RAB3C: variants seen among roughly 807,000 people sequenced by gnomAD.
RAB3C encodes the protein ras-related protein Rab-3C.
In RAB3C, 17 loss-of-function variants were observed where a neutral mutation model predicts 26.4. That is an observed-to-expected ratio of 0.64 (90% CI 0.44 to 0.97). The LOEUF is 0.97. RAB3C is among the 50% of genes least tolerant of loss of function. The pLI is 0.00. For missense variants in RAB3C, 242 were observed against 281.9 expected, an observed-to-expected ratio of 0.86 and a Z score of 1.01; for synonymous variants, 91 against 95.9, an observed-to-expected ratio of 0.95 and a Z score of 0.30.
chr5:58,812,931 G>A (rs1051363125), intron 3 of RAB3C, among the ~76,000 whole-genome samples: 1 of 152,156 alleles, frequency 6.6e-6, no homozygotes, highest in African/African-American at 2.4e-5. Flanking sequence ...TCTCATAGAA[G>A]AGGAAGCAGA....
chr5:58,695,070 C>A (rs761767791), intron 2 of RAB3C, among the ~76,000 whole-genome samples: 14 of 152,146 alleles, frequency 9.2e-5, no homozygotes, highest in Non-Finnish European at 1.5e-4. Context: ...TTAGGTCTAA[C>A]ATTTAAGTCT....
intron 4 of RAB3C, among the ~76,000 whole-genome samples, chr5:58,835,346 C>A (rs1340135200): frequency 6.6e-6 from 1 of 152,196 alleles, no homozygotes; most frequent in African/African-American, 2.4e-5. Context: ...ATCTTACCAA[C>A]CTTTGACCCC....
chr5:58,625,684 C>T (rs1747037121), intron 2 of RAB3C, among the ~76,000 whole-genome samples: 1 of 151,918 alleles, frequency 6.6e-6, no homozygotes, highest in Non-Finnish European at 1.5e-5. Flanking sequence ...TGGTGAAAAC[C>T]CGTCTCTACT....
At chr5:58,765,975 C>T (rs952063334) in intron 3 of RAB3C, among the ~76,000 whole-genome samples, 2 of 152,110 alleles carry the variant, frequency 1.3e-5, no homozygotes, top group South Asian at 2.1e-4. Context: ...GCTCCGGCCA[C>T]GTAAGATGTG....
chr5:58,741,999 G>A (rs552631236), intron 3 of RAB3C: 71 of 145,390 alleles, frequency 4.9e-4, no homozygotes, highest in African/African-American at 1.6e-3. Context: ...GCGAGACTCC[G>A]TCTAAAAAAA....
intron 2 of RAB3C, among the ~76,000 whole-genome samples, 177 bp downstream of exon 2, chr5:58,618,047 A>G (rs1746862335): frequency 7.5e-6 from 1 of 133,584 alleles, no homozygotes; most frequent in African/African-American, 2.6e-5. Context: ...TCTTTAAGAC[A>G]TGAGGGGTGA....
chr5:58,729,465 A>C (rs567733728), intron 3 of RAB3C, among the ~76,000 whole-genome samples: 1 of 151,756 alleles, frequency 6.6e-6, no homozygotes, highest in Non-Finnish European at 1.5e-5. Context: ...TACGATTTTA[A>C]CTACTTTAAG....
intron 2 of RAB3C, among the ~76,000 whole-genome samples, chr5:58,684,439 T>C (rs893516180): frequency 2.6e-5 from 4 of 152,148 alleles, no homozygotes; most frequent in Admixed American, 6.5e-5. Context: ...CAGGCCTCAG[T>C]TGGAATGCCA....
At chr5:58,699,364 A>G (rs533215166) in intron 2 of RAB3C, among the ~76,000 whole-genome samples, 3 of 152,256 alleles carry the variant, frequency 2.0e-5, no homozygotes, top group Admixed American at 6.5e-5. Flanking sequence ...AGCCACCTAT[A>G]TGAGGTTTCT....
At chr5:58,585,762 A>AAGAGT (rs1745997467) in intron 1 of RAB3C, among the ~76,000 whole-genome samples, 1 of 152,010 alleles carries the variant, frequency 6.6e-6, no homozygotes, top group Non-Finnish European at 1.5e-5. Flanking sequence ...TTTCTTTCTG[A>AAGAGT]ATTGAGGGAA....
At chr5:58,769,715 A>C (rs1371028636) in intron 3 of RAB3C, among the ~76,000 whole-genome samples, 1 of 151,872 alleles carries the variant, frequency 6.6e-6, no homozygotes, top group East Asian at 1.9e-4. Flanking sequence ...GAGGTGAAAT[A>C]GTTTATGCAT....
chr5:58,684,053 A>G (rs1748397807), intron 2 of RAB3C, among the ~76,000 whole-genome samples: 1 of 152,146 alleles, frequency 6.6e-6, no homozygotes, highest in South Asian at 2.1e-4. Flanking sequence ...TTCCACATCC[A>G]TGACTCCAAC....
At chr5:58,785,419 G>C (rs1024202624) in intron 3 of RAB3C, among the ~76,000 whole-genome samples, 1 of 152,040 alleles carries the variant, frequency 6.6e-6, no homozygotes, top group African/African-American at 2.4e-5. Flanking sequence ...TTTTTCTTTT[G>C]GTAAAAATTT....
At chr5:58,748,841 G>A (rs1318262350) in intron 3 of RAB3C, among the ~76,000 whole-genome samples, 1 of 152,104 alleles carries the variant, frequency 6.6e-6, no homozygotes, top group Non-Finnish European at 1.5e-5. Flanking sequence ...CACATAGGTA[G>A]GCCATGGGAT....
chr5:58,723,246 G>T (rs1272241106), intron 2 of RAB3C, among the ~76,000 whole-genome samples: 2 of 151,726 alleles, frequency 1.3e-5, no homozygotes, highest in Non-Finnish European at 3.0e-5. Context: ...TGTTCTGAAA[G>T]ATCTTCCTCA....
chr5:58,817,555 C>A (rs1217931681), intron 3 of RAB3C, among the ~76,000 whole-genome samples: 1 of 151,748 alleles, frequency 6.6e-6, no homozygotes, highest in East Asian at 1.9e-4. Flanking sequence ...TTGTATATGT[C>A]TTTGTAAATC....
At chr5:58,812,194 G>A (rs1743107323) in intron 3 of RAB3C, among the ~76,000 whole-genome samples, 1 of 152,162 alleles carries the variant, frequency 6.6e-6, no homozygotes, top group Non-Finnish European at 1.5e-5. Flanking sequence ...AGAGATGGGG[G>A]CTGGTGGAGG....
chr5:58,594,749 CT>C (rs1239617492), intron 1 of RAB3C, among the ~76,000 whole-genome samples: 1 of 149,218 alleles, frequency 6.7e-6, no homozygotes, highest in African/African-American at 2.5e-5. Context: ...TTCAATGGCT[CT>C]TTTTTTAATG....
At chr5:58,732,587 C>T (rs1305278809) in intron 3 of RAB3C, among the ~76,000 whole-genome samples, 1 of 152,092 alleles carries the variant, frequency 6.6e-6, no homozygotes, top group Non-Finnish European at 1.5e-5. Flanking sequence ...AATCCAAGCA[C>T]GTAGAGTTCT....
Sources: allele counts gnomAD v4.1 joint callset (sites outside exome capture counted in the v4.1 genomes callset), GRCh38; gene constraint gnomAD v4.1.1; transcripts MANE v1.5; gene names NCBI Gene and HGNC (gene_info 2026-07-23, HGNC 2026-07-21).